The following BICD1 variants were observed in gnomAD, a reference collection of about 807,000 sequenced individuals.
The protein encoded by BICD1 is BICD cargo adaptor 1.
Under a neutral mutation model 92.5 loss-of-function variants are expected in BICD1, and 35 were observed. That is an observed-to-expected ratio of 0.38 (90% CI 0.29 to 0.50). BICD1 has a LOEUF of 0.50. Among genes scored for constraint, BICD1 ranks in the 20% least tolerant of loss-of-function variants. The probability of loss-of-function intolerance (pLI) is 0.93; values close to 1 mark genes in which losing one functional copy is unlikely to be tolerated. For synonymous variants in BICD1, 429 were observed against 465.1 expected, an observed-to-expected ratio of 0.92 and a Z score of 1.00; for missense variants, 950 against 1,189.8, an observed-to-expected ratio of 0.80 and a Z score of 2.97.
At position 32,337,906 on chromosome 12, in the gene BICD1, G is replaced by C. The variant is rs1178129640; in HGVS notation, c.2570+90G>C. On this transcript the variant is annotated intron_variant, in intron 7 of 9. Transcript: ENST00000652176. The surrounding 1 kb of genome is among the most constrained non-coding windows in gnomAD (Gnocchi z 4.7). ...ATGTGCTCTTGTTGTGGAGGATGGA[G>C]GAGGGGAAGCAAAAGAAAAAATGGG... The C allele has an allele frequency of 6.8e-7, 1 of 1,462,580 alleles. No individual in the cohort carries two copies. The highest frequency in any genetic ancestry group is 9.4e-7 in the Non-Finnish European group (1 of 1,058,784). The allele number at this position is 1,462,580 out of a possible 1,614,324, so 90.6% of individuals were successfully genotyped here. A position where few individuals can be genotyped will look rare whatever the true frequency, so the allele number is the denominator to read the frequency against.
chr12:32,162,311 C>A (rs1943622295), intron 1 of BICD1, among the ~76,000 whole-genome samples: 2 of 152,234 alleles, frequency 1.3e-5, no homozygotes, highest in Non-Finnish European at 2.9e-5. Flanking sequence ...TCTACTGTAT[C>A]TATTCTACTT....
chr12:32,172,076 G>A (rs11051829), intron 1 of BICD1, among the ~76,000 whole-genome samples: 3 of 151,450 alleles, frequency 2.0e-5, no homozygotes, highest in Non-Finnish European at 2.9e-5. Context: ...CTCTCCCTCC[G>A]TTCCTTTTCT....
chr12:32,199,941 G>C (rs538241928), intron 1 of BICD1, among the ~76,000 whole-genome samples: 1 of 152,220 alleles, frequency 6.6e-6, no homozygotes, highest in East Asian at 1.9e-4. Flanking sequence ...CAAAACTCTT[G>C]GTGGGCTTTC....
chr12:32,273,392 G>A (rs1947192510), intron 2 of BICD1, among the ~76,000 whole-genome samples: 1 of 152,174 alleles, frequency 6.6e-6, no homozygotes, highest in Non-Finnish European at 1.5e-5. Context: ...GAGAAAGCAA[G>A]TACCAGCAGA....
At chr12:32,165,499 G>C (rs909553274) in intron 1 of BICD1, among the ~76,000 whole-genome samples, 13 of 152,010 alleles carry the variant, frequency 8.6e-5, no homozygotes, top group Non-Finnish European at 1.6e-4. Context: ...CTGGGCGACA[G>C]AGCGAGACTC....
At chr12:32,138,201 C>T (rs1413788147) in intron 1 of BICD1, among the ~76,000 whole-genome samples, 1 of 152,166 alleles carries the variant, frequency 6.6e-6, no homozygotes, top group Non-Finnish European at 1.5e-5. Flanking sequence ...GCCTCATTAG[C>T]CTATGAAGTA....
chr12:32,300,824 T>A (rs996068886), intron 3 of BICD1, among the ~76,000 whole-genome samples: 3 of 150,954 alleles, frequency 2.0e-5, no homozygotes, highest in East Asian at 2.0e-4. Context: ...TTTTTTTTTT[T>A]GTATTTTTAG....
intron 1 of BICD1, among the ~76,000 whole-genome samples, chr12:32,202,382 G>A (rs545472312): frequency 1.3e-5 from 2 of 152,158 alleles, no homozygotes; most frequent in East Asian, 3.9e-4. Flanking sequence ...GGTAATCCAA[G>A]GGGTAATATT....
At chr12:32,346,189 A>G (rs1485987079) in intron 8 of BICD1, among the ~76,000 whole-genome samples, 1 of 151,810 alleles carries the variant, frequency 6.6e-6, no homozygotes, top group East Asian at 2.0e-4. Context: ...TAATTTTAGT[A>G]GTAGATTTTA....
chr12:32,376,837 C>T (rs1465806719), intron 9 of BICD1, among the ~76,000 whole-genome samples: 1 of 143,428 alleles, frequency 7.0e-6, no homozygotes, highest in African/African-American at 2.6e-5. Flanking sequence ...CACTGCACAC[C>T]AGCCTGGGCA....
intron 2 of BICD1, among the ~76,000 whole-genome samples, chr12:32,266,320 T>C (rs80169642): frequency 0.046 from 7,027 of 152,318 alleles, 212 homozygotes; most frequent in Middle Eastern, 0.11. Context: ...CAAATTTTAC[T>C]AAAATGTGGT....
intron 1 of BICD1, among the ~76,000 whole-genome samples, chr12:32,154,659 G>A (rs1943388877): frequency 1.3e-5 from 2 of 152,200 alleles, no homozygotes; most frequent in South Asian, 4.1e-4. Flanking sequence ...AGCTCGTGGT[G>A]TTCTTTCCTT....
intron 1 of BICD1, among the ~76,000 whole-genome samples, chr12:32,193,526 C>T (rs1455603303): frequency 6.6e-6 from 1 of 152,082 alleles, no homozygotes; most frequent in Non-Finnish European, 1.5e-5. Flanking sequence ...AGAGGTATAC[C>T]TGTATTATAG....
chr12:32,345,194 G>A lies in BICD1; in HGVS notation c.2764+6215G>A, dbSNP rs915702171. Among the ~76,000 whole-genome samples, 40 of 151,078 alleles carry A rather than the reference G, an allele frequency of 2.6e-4. 1 individual carries two copies. Among genetic ancestry groups the A allele is most frequent in the African/African-American group, 7.5e-4 (31 of 41,066 alleles). On this transcript the variant is annotated intron_variant, in intron 8 of 9. Coordinates refer to ENST00000652176, the MANE Select transcript of BICD1 (RefSeq NM_001714.4). ...TCCCAGCTGCTCAGGAGGCTAAGGC[G>A]GGAGGATTGCTTGAGTCTGGGAGGT...
At chr12:32,366,035 C>A (rs1305759211) in intron 8 of BICD1, among the ~76,000 whole-genome samples, 1 of 152,178 alleles carries the variant, frequency 6.6e-6, no homozygotes, top group Non-Finnish European at 1.5e-5. Context: ...ACAAAGACCA[C>A]CATATAAAAG....
At chr12:32,180,173 G>A (rs1441117508) in intron 1 of BICD1, among the ~76,000 whole-genome samples, 3 of 151,758 alleles carry the variant, frequency 2.0e-5, no homozygotes, top group Admixed American at 1.3e-4. Flanking sequence ...AGATGTGGCC[G>A]TCTATGTCCC....
intron 2 of BICD1, among the ~76,000 whole-genome samples, chr12:32,224,555 G>T (rs1260152098): frequency 6.6e-6 from 1 of 152,160 alleles, no homozygotes; most frequent in Non-Finnish European, 1.5e-5. Context: ...TGGAAGCAAA[G>T]TCTTAACAAA....
chr12:32,316,775 T>A (rs1337825541), intron 4 of BICD1, among the ~76,000 whole-genome samples: 1 of 152,156 alleles, frequency 6.6e-6, no homozygotes, highest in Non-Finnish European at 1.5e-5. Flanking sequence ...TACATATGTA[T>A]ACATGTGCCA....
intron 3 of BICD1, among the ~76,000 whole-genome samples, chr12:32,303,226 G>C (rs987894981): frequency 2.6e-5 from 4 of 151,582 alleles, no homozygotes; most frequent in African/African-American, 9.7e-5. Flanking sequence ...ACAGGCCTGA[G>C]CCACCGTGCC....
Sources: allele counts gnomAD v4.1 joint callset (sites outside exome capture counted in the v4.1 genomes callset), GRCh38; gene constraint gnomAD v4.1.1; non-coding constraint Gnocchi (gnomAD v3.1); transcripts MANE v1.5; gene names NCBI Gene and HGNC (gene_info 2026-07-23, HGNC 2026-07-21).